The following PSTPIP2 variants were observed in gnomAD, a reference collection of about 807,000 sequenced individuals.
PSTPIP2 encodes the protein proline-serine-threonine phosphatase interacting protein 2, also known as proline-serine-threonine phosphatase-interacting protein 2.
PSTPIP2 carries 33 observed loss-of-function variants against 63.3 expected under a neutral mutation model. The observed-to-expected ratio is 0.52, with a 90% CI of 0.40 to 0.70. The LOEUF (loss-of-function observed/expected upper bound fraction) is 0.70. PSTPIP2 is among the 30% of genes least tolerant of loss of function. PSTPIP2 has a pLI of 0.00. For synonymous variants in PSTPIP2, 125 were observed against 132.7 expected (o/e 0.94, Z 0.40); for missense variants, 312 against 400.7 (o/e 0.78, Z 1.89).
intron 5 of PSTPIP2, among the ~76,000 whole-genome samples, chr18:46,008,240 T>C (rs532923915): frequency 2.2e-3 from 328 of 152,306 alleles, no homozygotes; most frequent in Admixed American, 5.0e-3. Flanking sequence ...CCTATAACCC[T>C]GAGAGAGACT....
intron 1 of PSTPIP2, among the ~76,000 whole-genome samples, chr18:46,041,806 C>A (rs560943555): frequency 4.6e-5 from 7 of 152,138 alleles, no homozygotes; most frequent in Non-Finnish European, 8.8e-5. Context: ...GTTAGCTGGC[C>A]TCTGGATGTG....
chr18:46,026,381 TATC>T (rs1907579342), intron 2 of PSTPIP2, among the ~76,000 whole-genome samples: 1 of 152,248 alleles, frequency 6.6e-6, no homozygotes, highest in Non-Finnish European at 1.5e-5. Flanking sequence ...TTCTGTAAGT[TATC>T]ATCCAACTTT....
intron 2 of PSTPIP2, among the ~76,000 whole-genome samples, chr18:46,026,773 G>A (rs999388137): frequency 3.3e-5 from 5 of 152,144 alleles, no homozygotes; most frequent in Admixed American, 1.3e-4. Context: ...TGTAGTCCCA[G>A]CTACTGGGGG....
intron 2 of PSTPIP2, among the ~76,000 whole-genome samples, chr18:46,036,798 C>T (rs1362329109): frequency 6.6e-6 from 1 of 152,128 alleles, no homozygotes; most frequent in African/African-American, 2.4e-5. Flanking sequence ...GGGAGCTCAC[C>T]AGGAAGTATA....
At chr18:46,023,612 CA>C (rs1907458595) in intron 3 of PSTPIP2, among the ~76,000 whole-genome samples, 2 of 151,482 alleles carry the variant, frequency 1.3e-5, no homozygotes, top group Non-Finnish European at 2.9e-5. Context: ...TTATCACAAA[CA>C]AAAAAATATA....
At chr18:46,011,866 C>A (rs1192904117) in intron 4 of PSTPIP2, among the ~76,000 whole-genome samples, 1 of 151,960 alleles carries the variant, frequency 6.6e-6, no homozygotes, top group Non-Finnish European at 1.5e-5. Context: ...GGCATTAAAG[C>A]TAAAAAGTCT....
intron 3 of PSTPIP2, among the ~76,000 whole-genome samples, chr18:46,020,271 G>A (rs1206415269): frequency 2.6e-5 from 4 of 152,304 alleles, no homozygotes; most frequent in Admixed American, 6.5e-5. Context: ...TAAAAAGCAC[G>A]TTGGCCTTAA....
In PSTPIP2 at chr18:46,005,461, T is replaced by C; in HGVS notation, c.417+8A>G. On this transcript the variant is annotated splice_region_variant and intron_variant, in intron 6 of 14. Transcript: ENST00000409746. Reference sequence around the variant, plus strand: ...TTATCCCAAAAAAGACAATAAAATGTGACTCACATCCATGGTTTTCTTGAA... The same window carrying C: ...TTATCCCAAAAAAGACAATAAAATGCGACTCACATCCATGGTTTTCTTGAA... 1.3e-6 allele frequency: 2 copies of C among 1,580,168 alleles called. No homozygotes were observed. The highest frequency in any genetic ancestry group is 1.7e-6 in the Non-Finnish European group (2 of 1,151,176).
At chr18:45,997,211 C>G (rs1378395354) in intron 9 of PSTPIP2, among the ~76,000 whole-genome samples, 1 of 152,054 alleles carries the variant, frequency 6.6e-6, no homozygotes, top group Admixed American at 6.6e-5. Flanking sequence ...TTCTTGGAGA[C>G]GGAGTCTTGT....
intron 2 of PSTPIP2, among the ~76,000 whole-genome samples, chr18:46,037,790 A>G (rs1267970335): frequency 6.6e-6 from 1 of 152,200 alleles, no homozygotes; most frequent in Non-Finnish European, 1.5e-5. Flanking sequence ...TGACACTCTG[A>G]TCTAATGCCT....
chr18:45,986,006 A>T lies in PSTPIP2; in HGVS notation c.*9-556T>A, dbSNP rs113679631. On this transcript the variant is annotated intron_variant, in intron 14 of 14. Transcript: ENST00000409746. Reference sequence around the variant, plus strand: ...TGGCCAGGCTGGTCTCAAACTCCTGACCTCAGGTGATCCGCCCGCCTTGGC... The same window carrying T: ...TGGCCAGGCTGGTCTCAAACTCCTGTCCTCAGGTGATCCGCCCGCCTTGGC... Among the ~76,000 whole-genome samples, 876 of 152,180 alleles carry T rather than the reference A, an allele frequency of 5.8e-3. 9 individuals are homozygous for T. Among genetic ancestry groups the T allele is most frequent in the African/African-American group, 0.02 (816 of 41,516 alleles).
At chr18:46,028,300 G>T (rs1907663986) in intron 2 of PSTPIP2, 1 of 458,686 alleles carries the variant, frequency 2.2e-6, no homozygotes, top group Non-Finnish European at 4.3e-6. Flanking sequence ...GCGTTAGCCC[G>T]GAACGAGGGC....
intron 1 of PSTPIP2, among the ~76,000 whole-genome samples, chr18:46,048,001 A>AT (rs1317336651): frequency 6.6e-6 from 1 of 152,242 alleles, no homozygotes; most frequent in Admixed American, 6.5e-5. Context: ...AGATGTCCAC[A>AT]TCCTGGTCCC....
At chr18:46,000,409 C>T (rs1352327316) in intron 6 of PSTPIP2, among the ~76,000 whole-genome samples, 2 of 152,160 alleles carry the variant, frequency 1.3e-5, no homozygotes, top group East Asian at 1.9e-4. Flanking sequence ...CTTTGTCACA[C>T]AAGCAGGAGT....
intron 1 of PSTPIP2, among the ~76,000 whole-genome samples, chr18:46,043,491 A>G (rs1378028299): frequency 6.6e-6 from 1 of 152,192 alleles, no homozygotes; most frequent in Non-Finnish European, 1.5e-5. Flanking sequence ...ACAAATCATT[A>G]AGAGAATGGA....
At chr18:46,036,358 T>C (rs1172137305) in intron 2 of PSTPIP2, among the ~76,000 whole-genome samples, 2 of 152,122 alleles carry the variant, frequency 1.3e-5, no homozygotes, top group Non-Finnish European at 2.9e-5. Flanking sequence ...TTCAGAGAGA[T>C]TATGGCATTT....
intron 5 of PSTPIP2, among the ~76,000 whole-genome samples, chr18:46,008,650 C>T (rs921369445): frequency 6.6e-6 from 1 of 152,084 alleles, no homozygotes; most frequent in African/African-American, 2.4e-5. Flanking sequence ...TCTGTAACCA[C>T]GGAGGTTCCT....
At chr18:46,019,310 C>A (rs1049082564) in intron 3 of PSTPIP2, among the ~76,000 whole-genome samples, 9 of 152,096 alleles carry the variant, frequency 5.9e-5, no homozygotes, top group Non-Finnish European at 1.3e-4. Flanking sequence ...CCAAGTGGCC[C>A]CTTCTTTCAG....
intron 13 of PSTPIP2, among the ~76,000 whole-genome samples, chr18:45,990,224 T>C (rs913352294): frequency 3.9e-5 from 6 of 152,216 alleles, no homozygotes; most frequent in African/African-American, 1.4e-4. Context: ...AACTGAATTA[T>C]CTTGGATAAG....
Sources: gnomAD v4.1 joint callset for allele counts (sites outside exome capture counted in the v4.1 genomes callset) on GRCh38, gnomAD v4.1.1 for gene constraint, MANE v1.5 for transcripts, NCBI Gene and HGNC (gene_info 2026-07-23, HGNC 2026-07-21) for gene names.